Variants in DMRT1 observed in about 807,000 individuals in gnomAD.
DMRT1 encodes doublesex and mab-3 related transcription factor 1.
DMRT1 carries 7 observed loss-of-function variants against 32.3 expected under a neutral mutation model. That is an observed-to-expected ratio of 0.22 (90% CI 0.12 to 0.41). DMRT1 has a LOEUF of 0.41. DMRT1 is among the 10% of genes least tolerant of loss of function. DMRT1 has a pLI of 1.00. For missense variants in DMRT1, 625 were observed against 500.5 expected (o/e 1.25, Z -2.37); for synonymous variants, 278 against 206.1 (o/e 1.35, Z -2.99).
chr9:894,497 T>G, intron 3 of DMRT1: 1 of 438,212 alleles, frequency 2.3e-6, no homozygotes, highest in Non-Finnish European at 4.2e-6. Context: ...TTTACTTTTC[T>G]CATTTTTTGA....
At chr9:857,020 A>G (rs994845218) in intron 2 of DMRT1, among the ~76,000 whole-genome samples, 3 of 152,226 alleles carry the variant, frequency 2.0e-5, no homozygotes, top group African/African-American at 7.2e-5. Flanking sequence ...CAATAGATAC[A>G]TGTTAATATT....
intron 2 of DMRT1, among the ~76,000 whole-genome samples, chr9:858,861 AAAAAAAAAAATAT>A (rs201569027): frequency 0.26 from 14,287 of 55,170 alleles, 792 homozygotes; most frequent in Non-Finnish European, 0.32. Context: ...CTCAAAAAAA[AAAAAAAAAAATAT>A]ATATATATAT....
rs181429652 is a variant in DMRT1, at chr9:871,187, C to T, written c.539-22725C>T. The stretch of plus-strand genomic sequence containing the variant: ...TAGCTGGGACTACAGGCGTGTGCAC[C>T]ACCATGCCCGGCTAATTTTTTGTAG... On this transcript the variant is annotated intron_variant, in intron 2 of 4. Transcript: ENST00000382276. 6.8e-3 allele frequency among the ~76,000 whole-genome samples: 1,029 copies of T among 151,884 alleles called. 17 individuals carry two copies. The highest frequency in any genetic ancestry group is 9.4e-3 in the Non-Finnish European group (640 of 67,952).
At chr9:878,543 C>T (rs777687191) in intron 2 of DMRT1, among the ~76,000 whole-genome samples, 10 of 152,240 alleles carry the variant, frequency 6.6e-5, no homozygotes, top group Non-Finnish European at 1.2e-4. Context: ...CAAACGCACT[C>T]AAGGCTACTG....
At chr9:853,088 T>C (rs1236485019) in intron 2 of DMRT1, among the ~76,000 whole-genome samples, 1 of 152,184 alleles carries the variant, frequency 6.6e-6, no homozygotes, top group East Asian at 1.9e-4. Flanking sequence ...AAAAAAACAA[T>C]TTTTTAGAGC....
chr9:866,709 T>C (rs946826228), intron 2 of DMRT1, among the ~76,000 whole-genome samples: 12 of 152,296 alleles, frequency 7.9e-5, no homozygotes, highest in Middle Eastern at 3.4e-3. Context: ...AATTCCTCTT[T>C]AGTGAGTTTG....
intron 4 of DMRT1, among the ~76,000 whole-genome samples, chr9:924,983 T>A (rs1180606892): frequency 6.6e-6 from 1 of 152,186 alleles, no homozygotes; most frequent in African/African-American, 2.4e-5. Flanking sequence ...GTGTCCTCTG[T>A]GTAAAGCACT....
intron 2 of DMRT1, among the ~76,000 whole-genome samples, chr9:854,415 C>T (rs1196133292): frequency 6.6e-5 from 10 of 151,904 alleles, no homozygotes; most frequent in Admixed American, 6.6e-4. Flanking sequence ...TCCTGAGTAG[C>T]TGGGACTACA....
chr9:882,461 G>A lies in DMRT1; in HGVS notation c.539-11451G>A, dbSNP rs1032599925. On this transcript the variant is annotated intron_variant, in intron 2 of 4. Transcript: ENST00000382276. ...CCAGAATGTTCTCTTGCTTAAAGGT[G>A]TCTTCTGGGAAACCTTTTCCAGTCC... Among the ~76,000 whole-genome samples, 5 of 152,146 alleles carry A rather than the reference G, an allele frequency of 3.3e-5. No homozygotes were observed. In the East Asian group the frequency reaches 9.6e-4, roughly 29 times the overall value.
At chr9:886,552 G>A (rs1317273955) in intron 2 of DMRT1, among the ~76,000 whole-genome samples, 1 of 152,186 alleles carries the variant, frequency 6.6e-6, no homozygotes, top group East Asian at 1.9e-4. Flanking sequence ...CACCGTGTAC[G>A]GCCAAACTGT....
At position 847,152 on chromosome 9, in the gene DMRT1, G is replaced by A. The variant is rs142373310; in HGVS notation, c.538+9G>A. On this transcript the variant is annotated intron_variant, in intron 2 of 4. Transcript: ENST00000382276. Reference sequence around the variant, plus strand: ...CACCACTGCAGCTTCAGGTAATCTGGAGGGGCTGGGGTTCACATGGAGGCT... The same window carrying A: ...CACCACTGCAGCTTCAGGTAATCTGAAGGGGCTGGGGTTCACATGGAGGCT... 4.1e-4 allele frequency: 654 copies of A among 1,611,826 alleles called. 2 individuals are homozygous for A. The African/African-American group carries it at 8.1e-3, about 20-fold the overall frequency.
intron 2 of DMRT1, among the ~76,000 whole-genome samples, chr9:863,149 CAA>C (rs55759836): frequency 1.0e-4 from 10 of 98,298 alleles, no homozygotes; most frequent in East Asian, 3.3e-4. Context: ...CAGGTCTCTA[CAA>C]AAAAAAAAAA....
intron 2 of DMRT1, among the ~76,000 whole-genome samples, chr9:890,082 C>G (rs557916537): frequency 7.7e-6 from 1 of 129,774 alleles, no homozygotes; most frequent in African/African-American, 2.9e-5. Context: ...CGCCACCAAA[C>G]GTGTTTTTTT....
At chr9:901,889 C>G (rs1817592945) in intron 3 of DMRT1, among the ~76,000 whole-genome samples, 1 of 143,100 alleles carries the variant, frequency 7.0e-6, no homozygotes, top group Non-Finnish European at 1.5e-5. Context: ...ATGGCCCACA[C>G]CATCAGCAAG....
intron 2 of DMRT1, among the ~76,000 whole-genome samples, chr9:849,297 C>T (rs1275151353): frequency 6.6e-6 from 1 of 152,100 alleles, no homozygotes; most frequent in African/African-American, 2.4e-5. Flanking sequence ...TGTTTAGAGG[C>T]TGTGGTCTAA....
intron 2 of DMRT1, among the ~76,000 whole-genome samples, chr9:884,218 C>G (rs1211351558): frequency 6.6e-6 from 1 of 152,050 alleles, no homozygotes; most frequent in Non-Finnish European, 1.5e-5. Flanking sequence ...CCTTCACCCA[C>G]CTTAAAATGA....
At position 842,171 on chromosome 9, in the gene DMRT1, G is replaced by A; in HGVS notation, c.333G>A (p.Arg111=). The stretch of plus-strand genomic sequence containing the variant: ...AGAAGTGCAACCTGATCGCCGAGAG[G>A]CAGCGCGTGATGGCCGCGCAGGTGG... ...QCKKCNLIAE[R]QRVMAAQVAL... is the part of the protein sequence containing the mutation. Residue 111 remains arginine, a synonymous_variant, in exon 1 of 5, where the codon AGG becomes AGA. Transcript: ENST00000382276. 6.5e-7 allele frequency: 1 copy of A among 1,544,132 alleles called. No individual in the cohort carries two copies.
chr9:950,347 C>T (rs184015549), intron 4 of DMRT1, among the ~76,000 whole-genome samples: 179 of 152,132 alleles, frequency 1.2e-3, no homozygotes, highest in African/African-American at 3.9e-3. Flanking sequence ...CAGGAGGCAG[C>T]GTGAGGAACA....
At chr9:941,436 C>T (rs1173211182) in intron 4 of DMRT1, among the ~76,000 whole-genome samples, 1 of 149,412 alleles carries the variant, frequency 6.7e-6, no homozygotes, top group East Asian at 2.0e-4. Flanking sequence ...ATGTCGTTCA[C>T]AAGAAGACAA....
Sources: gnomAD v4.1 joint callset for allele counts (sites outside exome capture counted in the v4.1 genomes callset) on GRCh38, gnomAD v4.1.1 for gene constraint, MANE v1.5 for transcripts, NCBI Gene and HGNC (gene_info 2026-07-23, HGNC 2026-07-21) for gene names.